Variants in ATAD3A observed in about 807,000 individuals in gnomAD.
The protein encoded by ATAD3A is ATPase family AAA domain containing 3A.
ATAD3A carries 46 observed loss-of-function variants against 73.8 expected under a neutral mutation model. That is an observed-to-expected ratio of 0.62 (90% CI 0.49 to 0.80). The LOEUF is 0.80. ATAD3A is among the 30% of genes least tolerant of loss of function. The probability of loss-of-function intolerance (pLI) is 0.00; values close to 1 mark genes in which losing one functional copy is unlikely to be tolerated. For synonymous variants in ATAD3A, 319 were observed against 350.0 expected, an observed-to-expected ratio of 0.91 and a Z score of 0.99; for missense variants, 705 against 838.0, an observed-to-expected ratio of 0.84 and a Z score of 1.96.
intron 15 of ATAD3A, among the ~76,000 whole-genome samples, chr1:1,531,658 G>A (rs1164356261): frequency 1.4e-5 from 2 of 143,918 alleles, no homozygotes; most frequent in Non-Finnish European, 3.1e-5. Flanking sequence ...GGTGCCTGTA[G>A]TCCCAGCTAC....
chr1:1,529,395 C>T lies in ATAD3A; in HGVS notation c.1614+64C>T, dbSNP rs1293029332. 26 of 1,510,238 alleles carry T rather than the reference C, an allele frequency of 1.7e-5. No homozygotes were observed. In the South Asian group the frequency reaches 2.3e-4, roughly 14 times the overall value. The allele number at this position is 1,510,238 out of a possible 1,614,324, so 93.6% of individuals were successfully genotyped here. ...CAGCTGCTGTGGAGATGCTCAGTTG[C>T]GCCAGGCCTGTCCCAGCACCGGTGT... On this transcript the variant is annotated intron_variant, in intron 15 of 15. Transcript: ENST00000378756.
Position 1,534,119 on chromosome 1 carries a change from C to G in ATAD3A, c.*47C>G, listed in dbSNP as rs1043511193. The G allele has an allele frequency of 3.1e-6, 5 of 1,612,814 alleles. No individual in the cohort carries two copies. ...TCACGGAGCCTGGCCGCGGACCCCT[C>G]CCACCCCTGCCTTGCCGGCCCCTGC... On this transcript the variant is annotated 3_prime_UTR_variant, in exon 16 of 16. Coordinates refer to ENST00000378756, the MANE Select transcript of ATAD3A (RefSeq NM_001170535.3).
intron 2 of ATAD3A, chr1:1,517,089 G>C (rs550025982): frequency 1.4e-5 from 21 of 1,525,746 alleles, no homozygotes; most frequent in Non-Finnish European, 1.4e-5. Context: ...CCTCCCTCCC[G>C]GGGGGCCTTC....
chr1:1,516,008 G>T lies in ATAD3A; in HGVS notation c.206-4G>T. 1 of 1,614,038 alleles carries T rather than the reference G, an allele frequency of 6.2e-7. No homozygotes were observed. Among genetic ancestry groups the T allele is most frequent in the Non-Finnish European group, 8.5e-7 (1 of 1,179,934 alleles). On this transcript the variant is annotated splice_polypyrimidine_tract_variant and splice_region_variant and intron_variant, in intron 1 of 15. Coordinates refer to ENST00000378756, the MANE Select transcript of ATAD3A (RefSeq NM_001170535.3). ...ACCTGCCCTCCGTGTCCTTGCGTCT[G>T]CAGGTTATGCCAAGGACGCCCTGAA...
Position 1,534,457 on chromosome 1 carries a change from C to CTCTGCTGTG in ATAD3A, c.*385_*386insTCTGCTGTG. On this transcript the variant is annotated 3_prime_UTR_variant, in exon 16 of 16. Coordinates refer to ENST00000378756, the MANE Select transcript of ATAD3A (RefSeq NM_001170535.3). ...ATGTCTTTGTTCTCGGCTCCCACAG[C>CTCTGCTGTG]AGAGCCAGGTGAGGGGGCGCCTGCC... 8.4e-7 allele frequency: 1 copy of CTCTGCTGTG among 1,188,546 alleles called. No homozygotes were observed. Among genetic ancestry groups the CTCTGCTGTG allele is most frequent in the Non-Finnish European group, 1.1e-6 (1 of 932,240 alleles). The allele number at this position is 1,188,546 out of a possible 1,614,324, so 73.6% of individuals were successfully genotyped here. A position where few individuals can be genotyped will look rare whatever the true frequency, so the allele number is the denominator to read the frequency against.
chr1:1,529,401 G>A, intron 15 of ATAD3A, 70 bp downstream of exon 15: 3 of 1,507,718 alleles, frequency 2.0e-6, no homozygotes, highest in Non-Finnish European at 1.8e-6. Flanking sequence ...GTTGCGCCAG[G>A]CCTGTCCCAG....
intron 11 of ATAD3A, among the ~76,000 whole-genome samples, 187 bp from the exon 12 acceptor site, chr1:1,525,053 C>T (rs191518492): frequency 6.6e-6 from 1 of 152,174 alleles, no homozygotes; most frequent in Non-Finnish European, 1.5e-5. Context: ...TGAGGCTGGG[C>T]CGTGGTCAGC....
rs1382184368 is a variant in ATAD3A, at chr1:1,512,469, C to G, written c.201C>G (p.His67Gln). ...RAAKAARELE[H>Q]SRYAKDALNL... ...CCAAGGCGGCGCGCGAGCTGGAGCA[C>G]TCGCGTGAGTGCGGCGGGGCGGGGC... Residue 67 changes from histidine (H) to glutamine (Q), a missense_variant, in exon 1 of 16, where the codon CAC becomes CAG. Around this residue, in one of 5 missense-constraint regions of ATAD3A, gnomAD observed 125 missense variants for 170.6 expected, o/e 0.73. Transcript: ENST00000378756. The G allele has an allele frequency of 8.3e-7, 1 of 1,210,104 alleles. No homozygotes were observed. Among genetic ancestry groups the G allele is most frequent in the Non-Finnish European group, 1.0e-6 (1 of 973,284 alleles). 75.0% of individuals were successfully genotyped at this position (1,210,104 alleles called of 1,614,324 possible).
At chr1:1,515,262 A>C (rs1641319570) in intron 1 of ATAD3A, among the ~76,000 whole-genome samples, 1 of 152,022 alleles carries the variant, frequency 6.6e-6, no homozygotes, top group Admixed American at 6.6e-5. Context: ...TATTTAGTAG[A>C]GATGGGGTTT....
intron 15 of ATAD3A, among the ~76,000 whole-genome samples, chr1:1,529,766 A>G (rs748891758): frequency 3.9e-5 from 6 of 152,184 alleles, no homozygotes; most frequent in Non-Finnish European, 7.3e-5. Context: ...TGCTTGACAC[A>G]TGGGTGGGAG....
At position 1,522,230 on chromosome 1, in the gene ATAD3A, G is replaced by A. The variant is rs528218430; in HGVS notation, c.751-514G>A. Among the ~76,000 whole-genome samples, 11 of 152,066 alleles carry A rather than the reference G, an allele frequency of 7.2e-5. No homozygotes were observed. The East Asian group carries it at 1.2e-3, about 16-fold the overall frequency. On this transcript the variant is annotated intron_variant, in intron 7 of 15. Transcript: ENST00000378756. The stretch of plus-strand genomic sequence containing the variant: ...AATTTTTTGTATTTTTAGTAGAGAC[G>A]GGGTTTCTCCATGTGGGTTAGGCTG...
intron 15 of ATAD3A, among the ~76,000 whole-genome samples, chr1:1,529,546 G>T (rs138833052): frequency 1.3e-5 from 2 of 152,342 alleles, no homozygotes; most frequent in East Asian, 3.9e-4. Flanking sequence ...GAGCCATGTC[G>T]GTGGCTGACA....
In ATAD3A at chr1:1,532,323, C is replaced by T. The variant is rs1365549083; in HGVS notation, c.1615-1603C>T. Among the ~76,000 whole-genome samples the T allele has an allele frequency of 1.0e-4, 15 of 148,986 alleles. No individual in the cohort carries two copies. The East Asian group carries it at 2.3e-3, about 23-fold the overall frequency. ...CTCTTAGGATGAGTGAGGAAATGTT[C>T]TTCAATTTGTCCAAGAGTTTGAGGA... On this transcript the variant is annotated intron_variant, in intron 15 of 15. Coordinates refer to ENST00000378756, the MANE Select transcript of ATAD3A (RefSeq NM_001170535.3).
rs542288933 is a variant in ATAD3A at position 1,533,412 on chromosome 1, T to C, written c.1615-514T>C. ...GCCACAGCCCCAGCAGCTCCAGCCT[T>C]CACGTGCCAGATGCCAAGCCCTGTG... On this transcript the variant is annotated intron_variant, in intron 15 of 15. Coordinates refer to ENST00000378756, the MANE Select transcript of ATAD3A (RefSeq NM_001170535.3). Among the ~76,000 whole-genome samples the C allele has an allele frequency of 7.1e-3, 1,087 of 152,234 alleles. 13 individuals are homozygous for C. The highest frequency in any genetic ancestry group is 0.025 in the African/African-American group (1,035 of 41,492).
At chr1:1,527,568 G>A in intron 13 of ATAD3A, 127 bp from the exon 14 acceptor site, 4 of 1,303,740 alleles carry the variant, frequency 3.1e-6, no homozygotes, top group Non-Finnish European at 4.1e-6. Flanking sequence ...GCCGACCAGG[G>A]CTGTGCCCGT....
rs775674430 is a variant in ATAD3A at position 1,533,968 on chromosome 1, A to G, written c.1657A>G (p.Met553Val). The change falls in exon 16 of 16, where the codon ATG becomes GTG. Residue 553 changes from methionine to valine, a missense_variant. Around this residue, in one of 5 missense-constraint regions of ATAD3A, gnomAD observed 252 missense variants for 278.5 expected, o/e 0.90. Coordinates refer to ENST00000378756, the MANE Select transcript of ATAD3A (RefSeq NM_001170535.3). ...ASEDGVLTEA[M>V]MDTRVQDAVQ... is the part of the protein sequence containing the mutation. ...CGAGGACGGGGTCCTGACCGAGGCC[A>G]TGATGGACACCCGCGTGCAAGATGC... 2.5e-6 allele frequency: 4 copies of G among 1,613,454 alleles called. No individual in the cohort carries two copies. Among genetic ancestry groups the G allele is most frequent in the East Asian group, 2.2e-5 (1 of 44,860 alleles).
intron 5 of ATAD3A, among the ~76,000 whole-genome samples, 169 bp downstream of exon 5, chr1:1,519,159 G>C (rs1284756774): frequency 6.6e-6 from 1 of 151,714 alleles, no homozygotes; most frequent in African/African-American, 2.4e-5. Context: ...AGACACCTCT[G>C]TCTGCGAGTG....
intron 15 of ATAD3A, among the ~76,000 whole-genome samples, 168 bp from the exon 16 acceptor site, chr1:1,533,758 G>A (rs1238332762): frequency 3.3e-5 from 5 of 151,410 alleles, no homozygotes; most frequent in Non-Finnish European, 7.4e-5. Context: ...GGCTGCTCCC[G>A]GTGTCCACAC....
chr1:1,525,088 T>G (rs1412876981), intron 11 of ATAD3A, 152 bp from the exon 12 acceptor site: 1 of 1,091,456 alleles, frequency 9.2e-7, no homozygotes, highest in Non-Finnish European at 1.4e-6. Context: ...GCTGATCGGC[T>G]TCTGTCGAGT....
Sources: allele counts gnomAD v4.1 joint callset (sites outside exome capture counted in the v4.1 genomes callset), GRCh38; gene constraint gnomAD v4.1.1; regional missense constraint gnomAD v4.1.1; transcripts MANE v1.5; gene names NCBI Gene and HGNC (gene_info 2026-07-23, HGNC 2026-07-21).